The following TTC5 variants were observed in gnomAD, a reference collection of about 807,000 sequenced individuals.
The protein encoded by TTC5 is tetratricopeptide repeat protein 5.
In TTC5, 46 loss-of-function variants were observed where a neutral mutation model predicts 57.4. The ratio of observed to expected loss-of-function variants is 0.80; its 90% CI spans 0.63 to 1.03. The LOEUF is 1.03. Ranked by LOEUF, TTC5 falls within the 50% of genes least tolerant of loss-of-function variation. The probability of loss-of-function intolerance (pLI) is 0.00; values close to 1 mark genes in which losing one functional copy is unlikely to be tolerated. For synonymous variants in TTC5, 190 were observed against 203.5 expected (o/e 0.93, Z 0.57); for missense variants, 504 against 528.1 (o/e 0.95, Z 0.45).
intron 4 of TTC5, 135 bp downstream of exon 4, chr14:20,299,163 T>C (rs1213368299): frequency 3.1e-6 from 3 of 972,048 alleles, no homozygotes; most frequent in Non-Finnish European, 4.5e-6. Flanking sequence ...AAAATGTCTT[T>C]CGTGTGTCTT....
intron 5 of TTC5, among the ~76,000 whole-genome samples, chr14:20,297,306 C>A (rs1364826828): frequency 6.6e-6 from 1 of 152,166 alleles, no homozygotes; most frequent in African/African-American, 2.4e-5. Flanking sequence ...ACAGTGCAGA[C>A]CATGTGCTGT....
chr14:20,295,241 C>T, intron 8 of TTC5, 71 bp downstream of exon 8: 2 of 1,424,366 alleles, frequency 1.4e-6, no homozygotes, highest in Non-Finnish European at 2.0e-6. Flanking sequence ...CCTCAACTGC[C>T]AGGGAAAGAA....
chr14:20,299,176 A>T, intron 4 of TTC5, 122 bp downstream of exon 4: 2 of 1,129,010 alleles, frequency 1.8e-6, no homozygotes, highest in African/African-American at 3.1e-5. Context: ...TGTGTCTTCA[A>T]AACAAAGATG....
chr14:20,305,866 G>A, intron 1 of TTC5, 21 bp downstream of exon 1: 1 of 1,612,970 alleles, frequency 6.2e-7, no homozygotes, highest in East Asian at 2.2e-5. Flanking sequence ...AACACATACA[G>A]AATTTAATCT....
At position 20,298,784 on chromosome 14, in the gene TTC5, C is replaced by CAT. The variant is rs771365629; in HGVS notation, c.639+11_639+12dup. On this transcript the variant is annotated intron_variant, in intron 5 of 9. Transcript: ENST00000258821. ...TTGCCTATTCATCTGGCCTGGTGAC[C>CAT]ATAAGTACTTACTGCTTGGGCATAG... 8.1e-6 allele frequency: 13 copies of CAT among 1,595,790 alleles called. No homozygotes were observed. In the African/African-American group the frequency reaches 1.1e-4, roughly 13 times the overall value.
rs1180477295 is a variant in TTC5 at position 20,299,371 on chromosome 14, A to C, written c.474T>G (p.Ser158=). The C allele has an allele frequency of 6.2e-7, 1 of 1,614,130 alleles. No homozygotes were observed. The highest frequency in any genetic ancestry group is 1.3e-5 in the African/African-American group (1 of 75,042). The part of the protein sequence containing the change: ...QLRTDTEDEH[S]HHVMDSVRQA... ...GTCGGACACTGTCCATGACATGGTG[A>C]GAATGTTCATCTTCAGTGTCAGTCC... is the stretch of plus-strand genomic sequence containing the variant. The change falls in exon 4 of 10, where the codon TCT becomes TCG. Residue 158 remains serine (S), a synonymous_variant. Transcript: ENST00000258821.
intron 8 of TTC5, chr14:20,292,423 G>T: frequency 5.7e-6 from 1 of 174,342 alleles, no homozygotes; most frequent in Non-Finnish European, 1.2e-5. Context: ...TAAGAACTTA[G>T]GACAAAGCAC....
intron 5 of TTC5, among the ~76,000 whole-genome samples, chr14:20,296,696 A>G (rs909767142): frequency 2.8e-4 from 42 of 152,214 alleles, no homozygotes; most frequent in African/African-American, 9.9e-4. Context: ...AGTAGTATTA[A>G]GATAGAATAA....
intron 1 of TTC5, 112 bp downstream of exon 1, chr14:20,305,775 A>G (rs1882278961): frequency 7.1e-6 from 8 of 1,131,356 alleles, no homozygotes; most frequent in Non-Finnish European, 1.1e-5. Context: ...AACCACACAG[A>G]CGCACGCAGC....
rs766141103 is a variant in TTC5 at position 20,296,372 on chromosome 14, A to G, written c.696+18T>C. On this transcript the variant is annotated intron_variant, in intron 6 of 9. Transcript: ENST00000258821. ...TTATTTATTTGACCCTCAGATGACT[A>G]CACCCCAAAGGTCTTACCGTCGCCC... 6.2e-7 allele frequency: 1 copy of G among 1,605,270 alleles called. No homozygotes were observed. The highest frequency in any genetic ancestry group is 1.3e-5 in the African/African-American group (1 of 74,930).
intron 9 of TTC5, among the ~76,000 whole-genome samples, chr14:20,291,612 C>T (rs914434484): frequency 6.6e-6 from 1 of 151,986 alleles, no homozygotes; most frequent in Non-Finnish European, 1.5e-5. Flanking sequence ...TATGTAAAAA[C>T]ATAGGAAACA....
intron 2 of TTC5, among the ~76,000 whole-genome samples, chr14:20,301,407 C>G (rs1882187536): frequency 6.6e-6 from 1 of 152,132 alleles, no homozygotes; most frequent in South Asian, 2.1e-4. Flanking sequence ...AAACAATGGA[C>G]ACTTAAATAC....
At chr14:20,294,594 T>C (rs1369308932) in intron 8 of TTC5, 1 of 152,040 alleles carries the variant, frequency 6.6e-6, no homozygotes, top group African/African-American at 2.4e-5. Flanking sequence ...ATCCAGTGCC[T>C]AGAAAGACAA....
intron 6 of TTC5, 121 bp from the exon 7 acceptor site, chr14:20,295,975 T>C: frequency 9.9e-7 from 1 of 1,012,878 alleles, no homozygotes; most frequent in Non-Finnish European, 1.4e-6. Flanking sequence ...TTTCCTGTGC[T>C]GCAACAAACA....
At position 20,287,103 on chromosome 14, in the gene TTC5, G is replaced by C. The variant is rs1383658545; in HGVS notation, c.*2524C>G. ...AGTGCTTCTCAAAAAAGTTGAACAT[G>C]TATATACTCTATGATCCAGCAATTC... is the stretch of plus-strand genomic sequence containing the variant. On this transcript the variant is annotated 3_prime_UTR_variant, in exon 10 of 10. Transcript: ENST00000258821. 6.6e-6 allele frequency: 1 copy of C among 152,160 alleles called. No homozygotes were observed. The highest frequency in any genetic ancestry group is 1.5e-5 in the Non-Finnish European group (1 of 68,040). The allele number at this position is 152,160 out of a possible 1,614,324, so 9.4% of individuals were successfully genotyped here.
intron 5 of TTC5, among the ~76,000 whole-genome samples, chr14:20,297,406 A>T (rs555718922): frequency 6.6e-6 from 1 of 152,342 alleles, no homozygotes; most frequent in Admixed American, 6.5e-5. Flanking sequence ...CACAAACAAC[A>T]TGAATTAAAA....
chr14:20,295,230 T>C, intron 8 of TTC5, 82 bp downstream of exon 8: 1 of 1,301,588 alleles, frequency 7.7e-7, no homozygotes, highest in South Asian at 1.2e-5. Context: ...ACTGACAATC[T>C]CCTCAACTGC....
intron 8 of TTC5, chr14:20,293,738 T>C (rs1355119658): frequency 6.6e-6 from 1 of 152,118 alleles, no homozygotes; most frequent in Admixed American, 6.5e-5. Flanking sequence ...AAAAGGCAAA[T>C]CTTTTTGGAG....
chr14:20,290,255 T>G lies in TTC5; in HGVS notation c.1204-509A>C, dbSNP rs543991699. 6.6e-5 allele frequency among the ~76,000 whole-genome samples: 10 copies of G among 152,338 alleles called. No individual in the cohort carries two copies. The East Asian group carries it at 1.9e-3, about 29-fold the overall frequency. On this transcript the variant is annotated intron_variant, in intron 9 of 9. Transcript: ENST00000258821. ...ATGAAACAGAATGTAGCCGTTTTCC[T>G]AATAACAAAAAAGGTATCAGCTCAC...
Sources: allele counts gnomAD v4.1 joint callset (sites outside exome capture counted in the v4.1 genomes callset), GRCh38; gene constraint gnomAD v4.1.1; transcripts MANE v1.5; gene names NCBI Gene and HGNC (gene_info 2026-07-23, HGNC 2026-07-21).